The following THSD4 variants were observed in gnomAD, a reference collection of about 807,000 sequenced individuals.
THSD4 encodes thrombospondin type-1 domain-containing protein 4.
Under a neutral mutation model 119.0 loss-of-function variants are expected in THSD4, and 69 were observed. The observed-to-expected ratio is 0.58, with a 90% confidence interval of 0.48 to 0.71. The LOEUF is 0.71. THSD4 is among the 30% of genes least tolerant of loss of function. THSD4 has a pLI of 0.00. For missense variants in THSD4, 1,393 were observed against 1,391.1 expected (o/e 1.00, Z -0.02); for synonymous variants, 524 against 540.4 (o/e 0.97, Z 0.42).
intron 6 of THSD4, chr15:71,341,657 C>A (rs773076446): frequency 6.6e-7 from 1 of 1,523,706 alleles, no homozygotes; most frequent in Non-Finnish European, 9.1e-7. Flanking sequence ...AAGATTGGAA[C>A]CTCTTGATTT....
intron 13 of THSD4, among the ~76,000 whole-genome samples, 200 bp downstream of exon 13, chr15:71,747,242 A>G (rs1595913291): frequency 1.3e-5 from 2 of 152,142 alleles, no homozygotes; most frequent in Admixed American, 1.3e-4. Flanking sequence ...TGTGCCACCC[A>G]CAGCCAACTT....
chr15:71,305,236 A>G (rs903509060), intron 6 of THSD4, among the ~76,000 whole-genome samples: 1 of 152,202 alleles, frequency 6.6e-6, no homozygotes, highest in African/African-American at 2.4e-5. Flanking sequence ...CAAAGTACCA[A>G]TTTCAATCCA....
In THSD4 at chr15:71,550,210, G is replaced by A. The variant is rs112121186; in HGVS notation, c.1153-110320G>A. Among the ~76,000 whole-genome samples the A allele has an allele frequency of 5.9e-3, 905 of 152,290 alleles. 5 individuals carry two copies. The highest frequency in any genetic ancestry group is 0.021 in the African/African-American group (860 of 41,548). On this transcript the variant is annotated intron_variant, in intron 7 of 17. Transcript: ENST00000261862. ...TGAGGCATTTGTCAGCGTGGGGAGCGTGCCAACGTGCAGCTTCTTTGCAGG... is the reference window on the plus strand; with the variant it reads ...TGAGGCATTTGTCAGCGTGGGGAGCATGCCAACGTGCAGCTTCTTTGCAGG...
chr15:71,531,850 C>T (rs1324061254), intron 7 of THSD4, among the ~76,000 whole-genome samples: 6 of 152,322 alleles, frequency 3.9e-5, no homozygotes, highest in African/African-American at 9.6e-5. Context: ...GGGCAGAAGA[C>T]GCCTGAATTC....
chr15:71,743,380 T>C (rs775229769), intron 11 of THSD4, among the ~76,000 whole-genome samples: 4 of 152,244 alleles, frequency 2.6e-5, no homozygotes, highest in Non-Finnish European at 5.9e-5. Context: ...CCGCATGGTC[T>C]GAAGGAAAAG....
At chr15:71,389,810 G>GGTTTTTTTTTTTTTTT (rs1555408976) in intron 6 of THSD4, among the ~76,000 whole-genome samples, 4 of 87,998 alleles carry the variant, frequency 4.5e-5, no homozygotes, top group African/African-American at 1.7e-4. Flanking sequence ...TTTCTGGGTT[G>GGTTTTTTTTTTTTTTT]TTTTTTTTTT....
intron 3 of THSD4, among the ~76,000 whole-genome samples, chr15:71,156,671 G>A (rs559908195): frequency 2.3e-4 from 35 of 152,210 alleles, no homozygotes; most frequent in African/African-American, 8.4e-4. Flanking sequence ...AGTTCTTTGC[G>A]TTCTTATCTG....
In THSD4 at chr15:71,419,440, C is replaced by T. The variant is rs1300637151; in HGVS notation, c.1152+7617C>T. 1.9e-5 allele frequency among the ~76,000 whole-genome samples: 2 copies of T among 107,800 alleles called. 1 individual carries two copies. Among genetic ancestry groups the T allele is most frequent in the Non-Finnish European group, 4.1e-5 (2 of 49,118 alleles). 70.7% of individuals were successfully genotyped at this position (107,800 alleles called of 152,430 possible). A position where few individuals can be genotyped will look rare whatever the true frequency, so the allele number is the denominator to read the frequency against. On this transcript the variant is annotated intron_variant, in intron 7 of 17. Transcript: ENST00000261862. ...GGTCTTGAACTCCTAGGCTCAAGCACTTCTCCTGCCTTGGCCTCCCAAAGT... is the reference window on the plus strand; with the variant it reads ...GGTCTTGAACTCCTAGGCTCAAGCATTTCTCCTGCCTTGGCCTCCCAAAGT...
intron 7 of THSD4, among the ~76,000 whole-genome samples, chr15:71,524,117 A>AGTATTTT (rs1210829919): frequency 6.6e-6 from 1 of 152,210 alleles, no homozygotes; most frequent in African/African-American, 2.4e-5. Context: ...GCTCGATGGC[A>AGTATTTT]TCCACCCTCT....
chr15:71,679,723 T>G (rs927101036), intron 8 of THSD4, among the ~76,000 whole-genome samples: 2 of 152,236 alleles, frequency 1.3e-5, no homozygotes, highest in South Asian at 4.1e-4. Context: ...ATCCTTTGTA[T>G]TAAATCTGAA....
At chr15:71,747,169 T>C (rs1567133437) in intron 13 of THSD4, 127 bp downstream of exon 13, 1 of 1,104,302 alleles carries the variant, frequency 9.1e-7, no homozygotes, top group Non-Finnish European at 1.3e-6. Context: ...CCCGTGGGGG[T>C]CTGGACGGCT....
chr15:71,367,504 A>G lies in THSD4; in HGVS notation c.1016-44183A>G, dbSNP rs904862340. Among the ~76,000 whole-genome samples the G allele has an allele frequency of 3.3e-5, 5 of 152,214 alleles. 1 individual carries two copies. In the East Asian group the frequency reaches 5.8e-4, roughly 18 times the overall value. The stretch of plus-strand genomic sequence containing the variant: ...TGTGTCCAAGTGTTCTCATTGTTCA[A>G]TTCCCACCTATGAGTGAGAACATGC... On this transcript the variant is annotated intron_variant, in intron 6 of 17. Coordinates refer to ENST00000261862, the MANE Select transcript of THSD4 (RefSeq NM_024817.3).
intron 15 of THSD4, among the ~76,000 whole-genome samples, chr15:71,758,856 C>T (rs1216673211): frequency 6.6e-6 from 1 of 152,156 alleles, no homozygotes; most frequent in Non-Finnish European, 1.5e-5. Context: ...CTGCCTTATC[C>T]TTGTAAATTG....
At chr15:71,728,108 AT>A (rs920716596) in intron 8 of THSD4, among the ~76,000 whole-genome samples, 1 of 151,962 alleles carries the variant, frequency 6.6e-6, no homozygotes, top group African/African-American at 2.4e-5. Flanking sequence ...GGGCTCAGTT[AT>A]TTTTTTTAAT....
In THSD4 at chr15:71,442,660, G is replaced by GTATATA. The variant is rs71154772; in HGVS notation, c.1152+30875_1152+30880dup. ...TGTGTGTATATGTGTGTGTGTGTGTGTATATATATATATATATATATATAT... is the reference window on the plus strand; with the variant it reads ...TGTGTGTATATGTGTGTGTGTGTGTGTATATATATATATATATATATATATATATAT... On this transcript the variant is annotated intron_variant, in intron 7 of 17. Transcript: ENST00000261862. Among the ~76,000 whole-genome samples, 70 of 25,752 alleles carry GTATATA rather than the reference G, an allele frequency of 2.7e-3. 1 individual carries two copies. The highest frequency in any genetic ancestry group is 6.1e-3 in the African/African-American group (56 of 9,228). 16.9% of individuals were successfully genotyped at this position (25,752 alleles called of 152,430 possible). A position where few individuals can be genotyped will look rare whatever the true frequency, so the allele number is the denominator to read the frequency against.
At chr15:71,209,293 G>C (rs536148809) in intron 3 of THSD4, among the ~76,000 whole-genome samples, 1 of 152,104 alleles carries the variant, frequency 6.6e-6, no homozygotes, top group African/African-American at 2.4e-5. Context: ...TAGCAGATTC[G>C]CATTCTTTTA....
chr15:71,519,396 C>T (rs910301306), intron 7 of THSD4, among the ~76,000 whole-genome samples: 210 of 152,192 alleles, frequency 1.4e-3, no homozygotes, highest in Non-Finnish European at 1.4e-3. Context: ...GTCTCTCACT[C>T]TGTCACCCAA....
rs544951318 is a variant in THSD4 at position 71,237,864 on chromosome 15, C to T, written c.465-4785C>T. Among the ~76,000 whole-genome samples, 12 of 152,246 alleles carry T rather than the reference C, an allele frequency of 7.9e-5. No homozygotes were observed. In the East Asian group the frequency reaches 1.9e-3, roughly 25 times the overall value. On this transcript the variant is annotated intron_variant, in intron 4 of 17. Transcript: ENST00000261862. ...TTATCTTTGTAGAGCTGTGGAAGAT[C>T]ACACATAACCAGCCCTGGATGGCAG...
intron 7 of THSD4, among the ~76,000 whole-genome samples, chr15:71,442,650 GTGTGTGTGTGTATATA>G (rs1566984923): frequency 2.4e-4 from 6 of 24,754 alleles, no homozygotes; most frequent in African/African-American, 5.9e-4. Context: ...GTATATGTGT[GTGTGTGTGTGTATATA>G]TATATATATA....
Sources: allele counts gnomAD v4.1 joint callset (sites outside exome capture counted in the v4.1 genomes callset), GRCh38; gene constraint gnomAD v4.1.1; transcripts MANE v1.5; gene names NCBI Gene and HGNC (gene_info 2026-07-23, HGNC 2026-07-21).